BCLAF3: variants seen among roughly 807,000 people sequenced by gnomAD.
BCLAF3 encodes transient octamer binding factor 1.
In BCLAF3, 24 loss-of-function variants were observed where a neutral mutation model predicts 51.2. The ratio of observed to expected loss-of-function variants is 0.47; its 90% CI spans 0.34 to 0.66. BCLAF3 has a LOEUF of 0.66. BCLAF3 is among the 30% of genes least tolerant of loss of function. BCLAF3 has a pLI of 0.01. For synonymous variants in BCLAF3, 152 were observed against 176.6 expected (o/e 0.86, Z 1.10); for missense variants, 465 against 525.1 (o/e 0.89, Z 1.12).
At chrX:19,934,303 A>G (rs2070676076) in intron 10 of BCLAF3, among the ~76,000 whole-genome samples, 1 of 112,174 alleles carries the variant, frequency 8.9e-6, no homozygotes, top group Admixed American at 9.5e-5. Flanking sequence ...TTAGAAAAAT[A>G]CTATAATCAA....
chrX:19,984,870 A>T, intron 1 of BCLAF3, among the ~76,000 whole-genome samples: 1 of 111,046 alleles, frequency 9.0e-6, no homozygotes, highest in Non-Finnish European at 1.9e-5. Context: ...TTTTTTTAGT[A>T]GAGACGGGGT....
rs2072778670 is a variant in BCLAF3, at chrX:19,985,744, G to A, written c.-35+5164C>T. 2.7e-5 allele frequency among the ~76,000 whole-genome samples: 3 copies of A among 111,395 alleles called. No homozygotes were observed. In the South Asian group the frequency reaches 1.1e-3, roughly 42 times the overall value. On this transcript the variant is annotated intron_variant, in intron 1 of 11. Transcript: ENST00000379682. ...GATTATTTGAGGCCAAGAGTTCAAG[G>A]CCAGCCCGGGCAACATGGGCAGACC...
At chrX:19,922,549 A>G (rs1265984391) in intron 11 of BCLAF3, among the ~76,000 whole-genome samples, 1 of 111,867 alleles carries the variant, frequency 8.9e-6, no homozygotes, top group Non-Finnish European at 1.9e-5. Context: ...CAGAAATCTA[A>G]TAACATTATG....
In BCLAF3 at chrX:19,987,679, TA is replaced by T. The variant is rs1269306727; in HGVS notation, c.-35+3228del. Among the ~76,000 whole-genome samples the T allele has an allele frequency of 1.3e-4, 15 of 112,397 alleles. 1 individual carries two copies. The highest frequency in any genetic ancestry group is 4.8e-4 in the African/African-American group (15 of 30,943). ...AACGTGACTAAGTACCAGTGACTGC[TA>T]GGGGGTAGGAATACAAAGTTAGAAG... On this transcript the variant is annotated intron_variant, in intron 1 of 11. Coordinates refer to ENST00000379682, the MANE Select transcript of BCLAF3 (RefSeq NM_001367774.2).
chrX:19,922,375 A>C (rs2070196357), intron 11 of BCLAF3, among the ~76,000 whole-genome samples: 1 of 111,918 alleles, frequency 8.9e-6, no homozygotes, highest in Non-Finnish European at 1.9e-5. Context: ...TAAAAAGAAA[A>C]AAAATAGAAT....
chrX:19,920,116 C>T (rs749908726), intron 11 of BCLAF3, among the ~76,000 whole-genome samples: 8 of 111,147 alleles, frequency 7.2e-5, no homozygotes, highest in African/African-American at 2.3e-4. Context: ...CATGATCAGC[C>T]CCCAGTAGAA....
chrX:19,988,715 G>A (rs1248408021), intron 1 of BCLAF3, among the ~76,000 whole-genome samples: 2 of 112,331 alleles, frequency 1.8e-5, no homozygotes, highest in African/African-American at 6.5e-5. Context: ...TAATCCTTAA[G>A]AAAAGTAAGG....
chrX:19,944,606 A>T, intron 8 of BCLAF3, among the ~76,000 whole-genome samples: 1 of 79,754 alleles, frequency 1.3e-5, no homozygotes, highest in African/African-American at 1.2e-4. Flanking sequence ...ATTGGCCCCC[A>T]CTCTCTTCTG....
chrX:19,977,811 C>T (rs1469622120), intron 1 of BCLAF3, among the ~76,000 whole-genome samples: 1 of 111,731 alleles, frequency 9.0e-6, no homozygotes, highest in Non-Finnish European at 1.9e-5. Flanking sequence ...GACAGCCTGA[C>T]TCTCTTGTTA....
chrX:19,937,647 T>A, intron 8 of BCLAF3, 115 bp from the exon 9 acceptor site: 1 of 425,687 alleles, frequency 2.3e-6, no homozygotes, highest in South Asian at 4.9e-5. Context: ...AGCACACAAG[T>A]GAAATCTCAA....
At chrX:19,948,550 G>T (rs771286102) in intron 8 of BCLAF3, among the ~76,000 whole-genome samples, 1 of 109,941 alleles carries the variant, frequency 9.1e-6, no homozygotes, top group South Asian at 3.9e-4. Flanking sequence ...TAGATCCCTT[G>T]AGCACAAGAG....
chrX:19,933,454 TA>T (rs775890654), intron 10 of BCLAF3, among the ~76,000 whole-genome samples: 1 of 111,412 alleles, frequency 9.0e-6, no homozygotes, highest in South Asian at 3.7e-4. Context: ...ACGGAATAGT[TA>T]ACAAAACTAA....
intron 1 of BCLAF3, among the ~76,000 whole-genome samples, chrX:19,972,037 T>C (rs778328299): frequency 1.7e-4 from 19 of 112,332 alleles, no homozygotes; most frequent in Admixed American, 4.7e-4. Context: ...AGATCACTCA[T>C]TAAAGGAAGT....
In BCLAF3 at chrX:19,966,344, T is replaced by C. The variant is rs761368678; in HGVS notation, c.347A>G (p.Tyr116Cys). 5 of 1,211,497 alleles carry C rather than the reference T, an allele frequency of 4.1e-6. No individual in the cohort carries two copies. The highest frequency in any genetic ancestry group is 2.2e-5 in the Admixed American group (1 of 45,950). The change falls in exon 3 of 12, where the codon TAC (tyrosine) becomes TGC (cysteine). Residue 116 changes from tyrosine to cysteine, a missense_variant. Tyr to Cys is a radical substitution (Grantham distance 194, BLOSUM62 -2). Coordinates refer to ENST00000379682, the MANE Select transcript of BCLAF3 (RefSeq NM_001367774.2). Reference sequence around the variant, plus strand: ...CTCTTTGTAGGGTATACCCTCTGAGTATTTGGGCATATACTGAGCTCTCCT... The same window carrying C: ...CTCTTTGTAGGGTATACCCTCTGAGCATTTGGGCATATACTGAGCTCTCCT... ...SNRRAQYMPK[Y>C]SEGIPYKEHE...
At chrX:19,986,953 C>A (rs950619859) in intron 1 of BCLAF3, among the ~76,000 whole-genome samples, 2 of 109,830 alleles carry the variant, frequency 1.8e-5, no homozygotes, top group Non-Finnish European at 3.8e-5. Flanking sequence ...TAGGTGCATA[C>A]CCCATACCCA....
chrX:19,956,274 G>A (rs1481819845), intron 4 of BCLAF3, among the ~76,000 whole-genome samples: 1 of 111,547 alleles, frequency 9.0e-6, no homozygotes, highest in Non-Finnish European at 1.9e-5. Flanking sequence ...GAGCTCTCCT[G>A]ACCTCTAAGT....
intron 2 of BCLAF3, among the ~76,000 whole-genome samples, chrX:19,968,163 T>C (rs1324463101): frequency 8.9e-6 from 1 of 112,833 alleles, no homozygotes; most frequent in Non-Finnish European, 1.9e-5. Flanking sequence ...ACAGTGTCCC[T>C]TTCTTCCGAA....
Position 19,955,479 on chromosome X carries a change from A to C in BCLAF3, c.1362T>G (p.Phe454Leu), listed in dbSNP as rs756749203. Reference sequence around the variant, plus strand: ...TATTCTGAGTTGAGTCAAGATGTTCAAACACTGGATGAAAGTTCTCACTTT... The same window carrying C: ...TATTCTGAGTTGAGTCAAGATGTTCCAACACTGGATGAAAGTTCTCACTTT... ...GRKSENFHPV[F>L]EHLDSTQNTE... The change falls in exon 5 of 12, where the codon TTT (phenylalanine) becomes TTG (leucine). Residue 454 changes from phenylalanine to leucine, a missense_variant. Transcript: ENST00000379682. The C allele has an allele frequency of 8.3e-7, 1 of 1,205,956 alleles. No homozygotes were observed. The highest frequency in any genetic ancestry group is 1.8e-5 in the South Asian group (1 of 55,731).
At chrX:19,933,504 T>C (rs1603304134) in intron 10 of BCLAF3, among the ~76,000 whole-genome samples, 1 of 112,148 alleles carries the variant, frequency 8.9e-6, no homozygotes, top group East Asian at 2.8e-4. Flanking sequence ...GAAGTGGATA[T>C]GTCAGACATA....
Sources: gnomAD v4.1 joint callset for allele counts (sites outside exome capture counted in the v4.1 genomes callset) on GRCh38, gnomAD v4.1.1 for gene constraint, MANE v1.5 for transcripts, NCBI Gene and HGNC (gene_info 2026-07-23, HGNC 2026-07-21) for gene names.